GSAP: variants seen among roughly 807,000 people sequenced by gnomAD.
GSAP encodes gamma-secretase-activating protein.
Under a neutral mutation model 131.7 loss-of-function variants are expected in GSAP, and 118 were observed. The observed-to-expected ratio is 0.90, with a 90% CI of 0.77 to 1.04. The LOEUF is 1.04. Among genes scored for constraint, GSAP ranks in the 50% least tolerant of loss-of-function variants. The probability of loss-of-function intolerance (pLI) is 0.00; values close to 1 mark genes in which losing one functional copy is unlikely to be tolerated. For missense variants in GSAP, 1,019 were observed against 1,013.2 expected, an observed-to-expected ratio of 1.01 and a Z score of -0.08; for synonymous variants, 381 against 363.4, an observed-to-expected ratio of 1.05 and a Z score of -0.55.
At chr7:77,384,637 G>A (rs937303895) in intron 6 of GSAP, among the ~76,000 whole-genome samples, 1 of 152,024 alleles carries the variant, frequency 6.6e-6, no homozygotes, top group African/African-American at 2.4e-5. Flanking sequence ...CCTTGTGCTG[G>A]AAGGAAACAC....
At chr7:77,335,039 C>T (rs1443872393) in intron 19 of GSAP, among the ~76,000 whole-genome samples, 1 of 151,356 alleles carries the variant, frequency 6.6e-6, no homozygotes, top group Non-Finnish European at 1.5e-5. Flanking sequence ...GCTGAGATCG[C>T]GCCACTGCAC....
Position 77,375,102 on chromosome 7 carries a change from C to A in GSAP, c.742-1G>T, listed in dbSNP as rs1796660162. The A allele has an allele frequency of 1.3e-6, 2 of 1,554,886 alleles. No homozygotes were observed. Among genetic ancestry groups the A allele is most frequent in the Non-Finnish European group, 1.8e-6 (2 of 1,134,116 alleles). ...ATGATATGTCCAAGGGTACTTCAAA[C>A]TGTCAAAAAAATCAAAGAAAATGAA... On this transcript the variant is annotated splice_acceptor_variant, in intron 10 of 30. Transcript: ENST00000257626. LOFTEE classifies it high-confidence loss of function.
At chr7:77,314,159 A>T (rs1283215283) in intron 27 of GSAP, among the ~76,000 whole-genome samples, 1 of 152,232 alleles carries the variant, frequency 6.6e-6, no homozygotes, top group Non-Finnish European at 1.5e-5. Flanking sequence ...CCAGCTGTAT[A>T]ATTTGTGGGG....
chr7:77,351,191 A>G (rs1792818382), intron 18 of GSAP: 1 of 983,372 alleles, frequency 1.0e-6, no homozygotes, highest in Non-Finnish European at 1.2e-6. Context: ...ATAAGAATCT[A>G]TTGTGTGCTT....
chr7:77,415,354 AC>A (rs1804166182), intron 1 of GSAP, among the ~76,000 whole-genome samples: 1 of 152,236 alleles, frequency 6.6e-6, no homozygotes, highest in Non-Finnish European at 1.5e-5. Flanking sequence ...ACAAGGTGAG[AC>A]CTACAGGCAT....
At chr7:77,340,468 C>T (rs1449640929) in intron 19 of GSAP, among the ~76,000 whole-genome samples, 1 of 152,168 alleles carries the variant, frequency 6.6e-6, no homozygotes, top group Admixed American at 6.5e-5. Flanking sequence ...AACCTTGGGT[C>T]CTCAGACCAA....
chr7:77,393,830 C>T (rs568993348), intron 5 of GSAP, among the ~76,000 whole-genome samples: 4 of 152,024 alleles, frequency 2.6e-5, no homozygotes, highest in Admixed American at 1.3e-4. Context: ...TGTGCCACCA[C>T]ACCCGGCTAA....
chr7:77,366,898 G>T (rs1795404022), intron 12 of GSAP, among the ~76,000 whole-genome samples: 1 of 152,250 alleles, frequency 6.6e-6, no homozygotes. Context: ...ATTTCTTTGA[G>T]CAGTGTTTTG....
chr7:77,415,277 A>G (rs1340015601), intron 1 of GSAP, among the ~76,000 whole-genome samples: 1 of 152,230 alleles, frequency 6.6e-6, no homozygotes, highest in Non-Finnish European at 1.5e-5. Flanking sequence ...TTTAAGGGAA[A>G]GGAGTTGTAG....
At chr7:77,314,658 C>A (rs1794776738) in intron 26 of GSAP, 169 bp from the exon 27 acceptor site, 3 of 620,514 alleles carry the variant, frequency 4.8e-6, no homozygotes, top group Non-Finnish European at 8.2e-6. Flanking sequence ...TTATTCGTAA[C>A]TAAATATCAC....
At chr7:77,408,689 C>CAAAAAAAAAAAA (rs749202124) in intron 1 of GSAP, among the ~76,000 whole-genome samples, 3 of 67,026 alleles carry the variant, frequency 4.5e-5, no homozygotes, top group African/African-American at 1.7e-4. Flanking sequence ...ACTCTGCCTC[C>CAAAAAAAAAAAA]AAAAAAAAAA....
intron 5 of GSAP, among the ~76,000 whole-genome samples, chr7:77,390,671 T>TGCA (rs1799324603): frequency 6.6e-6 from 1 of 151,998 alleles, no homozygotes; most frequent in Non-Finnish European, 1.5e-5. Flanking sequence ...AGTTAATGGG[T>TGCA]GCAGCACACC....
At chr7:77,355,504 C>A (rs1184888681) in intron 15 of GSAP, 51 bp downstream of exon 15, 5 of 1,520,972 alleles carry the variant, frequency 3.3e-6, no homozygotes, top group South Asian at 1.2e-5. Context: ...ATATTAAAGT[C>A]AAAACAAACT....
At chr7:77,403,569 G>GA (rs140939312) in intron 3 of GSAP, among the ~76,000 whole-genome samples, 28,271 of 151,902 alleles carry the variant, frequency 0.19, 2,899 homozygotes, top group African/African-American at 0.27. Flanking sequence ...GTAATTTGGG[G>GA]AAAAAAATAA....
intron 23 of GSAP, among the ~76,000 whole-genome samples, chr7:77,324,788 A>G (rs1365952891): frequency 1.4e-5 from 2 of 147,872 alleles, no homozygotes; most frequent in Non-Finnish European, 3.0e-5. Flanking sequence ...CACCCATTCT[A>G]ATGTTGCATG....
At chr7:77,391,589 C>T (rs1235447127) in intron 5 of GSAP, among the ~76,000 whole-genome samples, 1 of 151,962 alleles carries the variant, frequency 6.6e-6, no homozygotes, top group Non-Finnish European at 1.5e-5. Flanking sequence ...TTTTGGAGGC[C>T]AAGGCAGGAA....
intron 1 of GSAP, among the ~76,000 whole-genome samples, chr7:77,413,514 G>T (rs755461555): frequency 1.3e-5 from 2 of 152,176 alleles, no homozygotes; most frequent in Non-Finnish European, 2.9e-5. Flanking sequence ...TCACACTATG[G>T]AACACTATAT....
At chr7:77,337,447 T>C (rs2150734068) in intron 19 of GSAP, among the ~76,000 whole-genome samples, 1 of 152,258 alleles carries the variant, frequency 6.6e-6, no homozygotes, top group East Asian at 1.9e-4. Context: ...AGTGCTGGGA[T>C]TACAGGTGTG....
At chr7:77,353,450 T>C (rs1222426548) in intron 17 of GSAP, 122 bp downstream of exon 17, 7 of 609,334 alleles carry the variant, frequency 1.1e-5, no homozygotes, top group Non-Finnish European at 2.0e-5. Flanking sequence ...TTTTGTTTTT[T>C]TTTTTTAATG....
Sources: gnomAD v4.1 joint callset for allele counts (sites outside exome capture counted in the v4.1 genomes callset) on GRCh38, gnomAD v4.1.1 for gene constraint, MANE v1.5 for transcripts, NCBI Gene and HGNC (gene_info 2026-07-23, HGNC 2026-07-21) for gene names.